Variants in LMO3 observed in about 807,000 individuals in gnomAD.
LMO3 encodes LIM domain only 3.
A neutral mutation model predicts 15.8 loss-of-function variants in LMO3; 2 were observed. The ratio of observed to expected loss-of-function variants is 0.13; its 90% CI spans 0.05 to 0.40. LMO3 has a LOEUF of 0.40. Among genes scored for constraint, LMO3 ranks in the 10% least tolerant of loss-of-function variants. LMO3 has a pLI of 0.99. For synonymous variants in LMO3, 62 were observed against 63.8 expected, an observed-to-expected ratio of 0.97 and a Z score of 0.13; for missense variants, 86 against 182.2, an observed-to-expected ratio of 0.47 and a Z score of 3.04.
At chr12:16,605,300 C>T (rs553621070) in intron 1 of LMO3, 1 of 1,173,320 alleles carries the variant, frequency 8.5e-7, no homozygotes, top group South Asian at 2.6e-5. Context: ...ATAAATCTGA[C>T]TTGTATTTCA....
rs942135092 is a variant in LMO3, at chr12:16,589,142, C to A, written c.206+11513G>T. ...TCTAAGATCTACGAATTAGATGTAA[C>A]CTCACCCAGTTTGGAAGATTTTAGG... On this transcript the variant is annotated intron_variant, in intron 2 of 3. Transcript: ENST00000537304. The surrounding 1 kb of genome is among the most constrained non-coding windows in gnomAD (Gnocchi z 4.2). Among the ~76,000 whole-genome samples, 1 of 152,030 alleles carries A rather than the reference C, an allele frequency of 6.6e-6. No homozygotes were observed. Among genetic ancestry groups the A allele is most frequent in the East Asian group, 1.9e-4 (1 of 5,178 alleles).
rs764584553 is a variant in LMO3, at chr12:16,560,552, C to CG, written c.207-15_207-14insC. ...ACACCAAAGAGCCTAGAATAAGAAACATTTTTTTTTTTTTACAAACTCTTA... is the reference window on the plus strand; with the variant it reads ...ACACCAAAGAGCCTAGAATAAGAAACGATTTTTTTTTTTTTACAAACTCTTA... On this transcript the variant is annotated splice_polypyrimidine_tract_variant and intron_variant, in intron 2 of 3. Coordinates refer to ENST00000537304, the MANE Select transcript of LMO3 (RefSeq NM_018640.5). This position sits in a 1 kb window ranked among gnomAD's most constrained non-coding sequence, Gnocchi z 5.0. 1.3e-6 allele frequency: 2 copies of CG among 1,551,034 alleles called. No individual in the cohort carries two copies. Among genetic ancestry groups the CG allele is most frequent in the East Asian group, 4.6e-5 (2 of 43,568 alleles).
At chr12:16,571,847 T>C (rs1000738511) in intron 2 of LMO3, among the ~76,000 whole-genome samples, 4 of 152,044 alleles carry the variant, frequency 2.6e-5, no homozygotes, top group East Asian at 1.9e-4. Flanking sequence ...ACTTGTAACA[T>C]TGTCTTAAAA....
intron 2 of LMO3, among the ~76,000 whole-genome samples, chr12:16,595,021 T>G (rs1254018025): frequency 6.6e-6 from 1 of 151,524 alleles, no homozygotes; most frequent in Non-Finnish European, 1.5e-5. Flanking sequence ...AATTCTCAAA[T>G]GTAGGTTTTC....
At chr12:16,558,997 G>A (rs1016762468) in intron 3 of LMO3, among the ~76,000 whole-genome samples, 2 of 152,032 alleles carry the variant, frequency 1.3e-5, no homozygotes, top group African/African-American at 4.8e-5. Context: ...AATATATGGT[G>A]GTGCTGAAAT....
At chr12:16,564,138 T>A (rs1236488725) in intron 2 of LMO3, among the ~76,000 whole-genome samples, 1 of 152,166 alleles carries the variant, frequency 6.6e-6, no homozygotes, top group Non-Finnish European at 1.5e-5. Flanking sequence ...TTTCACTACC[T>A]CATTTTGTCT....
Position 16,559,768 on chromosome 12 carries a change from T to C in LMO3, c.332+645A>G, listed in dbSNP as rs1037703964. ...GAGTTTGAGACCAGCCTGGGTAACA[T>C]AGTGAAACTCCATCATCTCTATAAA... On this transcript the variant is annotated intron_variant, in intron 3 of 3. Coordinates refer to ENST00000537304, the MANE Select transcript of LMO3 (RefSeq NM_018640.5). The surrounding 1 kb of genome is among the most constrained non-coding windows in gnomAD (Gnocchi z 4.1). 9.4e-5 allele frequency among the ~76,000 whole-genome samples: 14 copies of C among 148,916 alleles called. No homozygotes were observed. Among genetic ancestry groups the C allele is most frequent in the Non-Finnish European group, 1.5e-4 (10 of 67,358 alleles).
intron 1 of LMO3, chr12:16,605,452 C>T: frequency 1.3e-6 from 1 of 768,272 alleles, no homozygotes; most frequent in Middle Eastern, 6.6e-4. Context: ...CCCCCCCGCC[C>T]CCATGCCCAA....
intron 1 of LMO3, chr12:16,605,414 C>T: frequency 8.4e-7 from 1 of 1,195,648 alleles, no homozygotes; most frequent in Non-Finnish European, 1.0e-6. Context: ...CCTCTTCTAG[C>T]CACTTCTGCC....
intron 3 of LMO3, among the ~76,000 whole-genome samples, chr12:16,551,694 C>T (rs1006207789): frequency 8.6e-5 from 13 of 151,644 alleles, no homozygotes; most frequent in African/African-American, 2.7e-4. Flanking sequence ...TAATGTTTCA[C>T]TGCAGTAATT....
In LMO3 at chr12:16,548,378, A is replaced by C. The variant is rs1199569067; in HGVS notation, c.*2844T>G. On this transcript the variant is annotated 3_prime_UTR_variant, in exon 4 of 4. Transcript: ENST00000537304. The surrounding 1 kb of genome is among the most constrained non-coding windows in gnomAD (Gnocchi z 4.2). ...CCAATTAAGTGCAATCAAATAGTGT[A>C]ACACCCCTTTTATTAAAAACATAAA... is the stretch of plus-strand genomic sequence containing the variant. 1 of 152,180 alleles carries C rather than the reference A, an allele frequency of 6.6e-6. No individual in the cohort carries two copies. Among genetic ancestry groups the C allele is most frequent in the Non-Finnish European group, 1.5e-5 (1 of 68,020 alleles). 9.4% of individuals were successfully genotyped at this position (152,180 alleles called of 1,614,324 possible).
At chr12:16,574,981 G>A (rs1015152014) in intron 2 of LMO3, among the ~76,000 whole-genome samples, 1 of 152,138 alleles carries the variant, frequency 6.6e-6, no homozygotes, top group African/African-American at 2.4e-5. Context: ...CTCAATTGAA[G>A]TATGATACAT....
At chr12:16,556,611 T>A (rs1048531171) in intron 3 of LMO3, among the ~76,000 whole-genome samples, 24 of 152,230 alleles carry the variant, frequency 1.6e-4, no homozygotes, top group African/African-American at 5.5e-4. Context: ...GCCTATGAAT[T>A]ACCTATTTGC....
Position 16,550,478 on chromosome 12 carries a change from T to A in LMO3, c.*744A>T, listed in dbSNP as rs1263545559. 1.3e-5 allele frequency: 2 copies of A among 152,480 alleles called. No individual in the cohort carries two copies. The highest frequency in any genetic ancestry group is 2.9e-5 in the Non-Finnish European group (2 of 67,924). The allele number at this position is 152,480 out of a possible 1,614,324, so 9.4% of individuals were successfully genotyped here. On this transcript the variant is annotated 3_prime_UTR_variant, in exon 4 of 4. Coordinates refer to ENST00000537304, the MANE Select transcript of LMO3 (RefSeq NM_018640.5). Reference sequence around the variant, plus strand: ...AAAAGGATATTAAAAGGAAACCTGTTAAGCTTTAAAGTTATTCTAAAAATG... The same window carrying A: ...AAAAGGATATTAAAAGGAAACCTGTAAAGCTTTAAAGTTATTCTAAAAATG...
rs1330275393 is a variant in LMO3, at chr12:16,565,982, CCATATATATATATA to C, written c.207-5458_207-5445del. Among the ~76,000 whole-genome samples, 8 of 44,320 alleles carry C rather than the reference CCATATATATATATA, an allele frequency of 1.8e-4. No individual in the cohort carries two copies. The East Asian group carries it at 6.8e-3, about 38-fold the overall frequency. 29.1% of individuals were successfully genotyped at this position (44,320 alleles called of 152,430 possible). On this transcript the variant is annotated intron_variant, in intron 2 of 3. Transcript: ENST00000537304. ...TGGATGAATGGATGAAGAAAATGTG[CCATATATATATATA>C]TATATATATATATATATATATATAT...
rs1943267990 is a variant in LMO3, at chr12:16,584,845, G to A, written c.206+15810C>T. On this transcript the variant is annotated intron_variant, in intron 2 of 3. Transcript: ENST00000537304. This position sits in a 1 kb window ranked among gnomAD's most constrained non-coding sequence, Gnocchi z 5.2. ...GTAACTGGTATACATTGGATGAAGG[G>A]CTCTGATCCTCTCTTCAAGAATTCA... 1.3e-5 allele frequency among the ~76,000 whole-genome samples: 2 copies of A among 152,108 alleles called. No individual in the cohort carries two copies. The highest frequency in any genetic ancestry group is 4.8e-5 in the African/African-American group (2 of 41,400).
chr12:16,565,513 C>G (rs1463317856), intron 2 of LMO3, among the ~76,000 whole-genome samples: 1 of 152,070 alleles, frequency 6.6e-6, no homozygotes. Context: ...GCATGTGCTC[C>G]ACTGTCATAG....
rs1943201818 is a variant in LMO3, at chr12:16,582,823, G to A, written c.206+17832C>T. On this transcript the variant is annotated intron_variant, in intron 2 of 3. Transcript: ENST00000537304. This position sits in a 1 kb window ranked among gnomAD's most constrained non-coding sequence, Gnocchi z 4.1. ...AGCACTTTGGGAGGCCAAATTGAGT[G>A]GATCACCTGAGGTCAGGAGTTCGAG... Among the ~76,000 whole-genome samples the A allele has an allele frequency of 6.6e-6, 1 of 152,116 alleles. No individual in the cohort carries two copies. Among genetic ancestry groups the A allele is most frequent in the South Asian group, 2.1e-4 (1 of 4,832 alleles).
chr12:16,609,720 T>C (rs1016808120), upstream of LMO3: 1 of 152,090 alleles, frequency 6.6e-6, no homozygotes, highest in African/African-American at 2.4e-5. Context: ...GGTGATTAGA[T>C]ATATACTACT....
Sources: allele counts gnomAD v4.1 joint callset (sites outside exome capture counted in the v4.1 genomes callset), GRCh38; gene constraint gnomAD v4.1.1; non-coding constraint Gnocchi (gnomAD v3.1); transcripts MANE v1.5; gene names NCBI Gene and HGNC (gene_info 2026-07-23, HGNC 2026-07-21).